Variants in SLC16A1 observed in about 807,000 individuals in gnomAD.
The protein encoded by SLC16A1 is monocarboxylate transporter 1.
In SLC16A1, 11 loss-of-function variants were observed where a neutral mutation model predicts 32.2. The observed-to-expected ratio is 0.34, with a 90% CI of 0.21 to 0.56. The LOEUF (loss-of-function observed/expected upper bound fraction) is 0.56. SLC16A1 is among the 20% of genes least tolerant of loss of function. SLC16A1 has a pLI of 0.87. For missense variants in SLC16A1, 435 were observed against 615.0 expected (o/e 0.71, Z 3.10); for synonymous variants, 231 against 226.8 (o/e 1.02, Z -0.17).
At chr1:112,928,820 AAC>A (rs933547008) in intron 2 of SLC16A1, among the ~76,000 whole-genome samples, 6 of 152,218 alleles carry the variant, frequency 3.9e-5, no homozygotes, top group Admixed American at 2.0e-4. Context: ...TCATTTTTAT[AAC>A]AGTCTTTTAA....
intron 2 of SLC16A1, among the ~76,000 whole-genome samples, chr1:112,928,607 A>C (rs1649017168): frequency 6.6e-6 from 1 of 152,222 alleles, no homozygotes; most frequent in South Asian, 2.1e-4. Flanking sequence ...TTTAGGACTC[A>C]TAACATCGCA....
intron 2 of SLC16A1, among the ~76,000 whole-genome samples, chr1:112,928,719 C>T (rs1268685881): frequency 6.6e-6 from 1 of 152,076 alleles, no homozygotes; most frequent in Admixed American, 6.6e-5. Flanking sequence ...TTATTTTAAT[C>T]CTCCCAACAT....
chr1:112,934,065 T>C (rs540908504), intron 1 of SLC16A1, among the ~76,000 whole-genome samples: 7 of 152,162 alleles, frequency 4.6e-5, no homozygotes, highest in Non-Finnish European at 1.0e-4. Context: ...AAGCGTTCTG[T>C]TAAGTAGGAA....
At chr1:112,939,794 C>T (rs1649441801) in intron 1 of SLC16A1, among the ~76,000 whole-genome samples, 1 of 152,056 alleles carries the variant, frequency 6.6e-6, no homozygotes, top group Non-Finnish European at 1.5e-5. Flanking sequence ...CGTTAGCCAC[C>T]GTGCCCTGCA....
intron 1 of SLC16A1, among the ~76,000 whole-genome samples, chr1:112,933,853 G>A (rs1570635129): frequency 6.6e-6 from 1 of 152,082 alleles, no homozygotes; most frequent in African/African-American, 2.4e-5. Flanking sequence ...TAACATATGA[G>A]CCAGCCATTA....
rs1648567297 is a variant in SLC16A1 at position 112,917,744 on chromosome 1, C to T, written c.662G>A (p.Gly221Asp). 1.2e-6 allele frequency: 2 copies of T among 1,614,210 alleles called. No homozygotes were observed. Among genetic ancestry groups the T allele is most frequent in the Admixed American group, 1.7e-5 (1 of 60,032 alleles). Residue 221 changes from glycine (G) to aspartate (D), a missense_variant, in exon 4 of 5, where the codon GGT becomes GAT. Transcript: ENST00000369626. This position sits in a 1 kb window ranked among gnomAD's most constrained non-coding sequence, Gnocchi z 4.1. Reference sequence around the variant, plus strand: ...TGCATCATGCAGATCTTTTTTCACACCAGATTTTCCAGCTTTCTCAAGGGA... The same window carrying T: ...TGCATCATGCAGATCTTTTTTCACATCAGATTTTCCAGCTTTCTCAAGGGA... ...KASLEKAGKS[G>D]VKKDLHDANT... is the part of the protein sequence containing the mutation.
At chr1:112,919,606 T>C (rs775559030) in intron 3 of SLC16A1, among the ~76,000 whole-genome samples, 45 of 152,116 alleles carry the variant, frequency 3.0e-4, no homozygotes, top group Non-Finnish European at 5.4e-4. Flanking sequence ...AGGAACAGAG[T>C]TGAAATACAT....
chr1:112,948,686 A>G (rs1262117620), intron 1 of SLC16A1, among the ~76,000 whole-genome samples: 2 of 151,640 alleles, frequency 1.3e-5, no homozygotes, highest in Non-Finnish European at 2.9e-5. Context: ...ATATTTTTGT[A>G]GAGGCAGGGT....
Position 112,915,709 on chromosome 1 carries a change from C to T in SLC16A1, c.1228+1469G>A, listed in dbSNP as rs1196870583. 3.3e-5 allele frequency among the ~76,000 whole-genome samples: 5 copies of T among 151,888 alleles called. No individual in the cohort carries two copies. In the South Asian group the frequency reaches 1.0e-3, roughly 32 times the overall value. On this transcript the variant is annotated intron_variant, in intron 4 of 4. Transcript: ENST00000369626. The stretch of plus-strand genomic sequence containing the variant: ...AGTAGTTGTGATGGAGAAAAATGGG[C>T]AGATGAGAACAAGATTTAGAGCATA...
chr1:112,931,420 T>A (rs529871233), intron 1 of SLC16A1, among the ~76,000 whole-genome samples: 18 of 151,866 alleles, frequency 1.2e-4, no homozygotes, highest in Non-Finnish European at 2.6e-4. Context: ...CAGAGGTAGG[T>A]AGATCACCTG....
chr1:112,952,873 A>G (rs1649946650), intron 1 of SLC16A1, among the ~76,000 whole-genome samples: 1 of 152,224 alleles, frequency 6.6e-6, no homozygotes. Flanking sequence ...TATTGGTTAA[A>G]TGGAGACAAA....
At chr1:112,951,444 G>A (rs1649891340) in intron 1 of SLC16A1, among the ~76,000 whole-genome samples, 1 of 152,166 alleles carries the variant, frequency 6.6e-6, no homozygotes, top group Admixed American at 6.6e-5. Flanking sequence ...TGAGCTTTAA[G>A]TGACATATTA....
At chr1:112,944,029 A>T (rs1649603519) in intron 1 of SLC16A1, among the ~76,000 whole-genome samples, 1 of 152,194 alleles carries the variant, frequency 6.6e-6, no homozygotes, top group East Asian at 1.9e-4. Context: ...CAAATTAATT[A>T]AATAAATATG....
chr1:112,923,421 T>C (rs1037699904), intron 2 of SLC16A1: 2 of 665,686 alleles, frequency 3.0e-6, no homozygotes, highest in Non-Finnish European at 5.6e-6. Context: ...GTTGCCGCCA[T>C]CATGTCCCGG....
Position 112,931,086 on chromosome 1 carries a change from C to T in SLC16A1, c.-44-1734G>A, listed in dbSNP as rs1331272679. ...CTTTTCCAAAATATATTCTTCCATACTCTTTTCATTCTCTTATTTATGGCT... is the reference window on the plus strand; with the variant it reads ...CTTTTCCAAAATATATTCTTCCATATTCTTTTCATTCTCTTATTTATGGCT... On this transcript the variant is annotated intron_variant, in intron 1 of 4. Transcript: ENST00000369626. Among the ~76,000 whole-genome samples the T allele has an allele frequency of 2.0e-5, 3 of 152,076 alleles. No individual in the cohort carries two copies. In the East Asian group the frequency reaches 5.8e-4, roughly 29 times the overall value.
chr1:112,918,784 C>G (rs936509216), intron 3 of SLC16A1, among the ~76,000 whole-genome samples: 2 of 152,090 alleles, frequency 1.3e-5, no homozygotes, highest in African/African-American at 4.8e-5. Context: ...TCCTGGGCTA[C>G]AGAGAAAGAA....
intron 4 of SLC16A1, 99 bp from the exon 5 acceptor site, chr1:112,914,264 C>A: frequency 7.5e-7 from 1 of 1,327,984 alleles, no homozygotes; most frequent in Non-Finnish European, 1.1e-6. Context: ...GATGTCAATC[C>A]AATCTTTAAA....
At position 112,914,118 on chromosome 1, in the gene SLC16A1, A is replaced by T; in HGVS notation, c.1276T>A (p.Cys426Ser). ...CCTGAAATAATTAGGACGACGCCAC[A>T]TGCCCAGTATGTGTATTTGTAGTCT... ...YGDYKYTYWA[C>S]GVVLIISGIY... Residue 426 changes from cysteine (C) to serine (S), a missense_variant, in exon 5 of 5, where the codon TGT becomes AGT. Physicochemically the swap from Cys to Ser is moderately radical, Grantham distance 112. Transcript: ENST00000369626. 1 of 1,614,200 alleles carries T rather than the reference A, an allele frequency of 6.2e-7. No individual in the cohort carries two copies. The highest frequency in any genetic ancestry group is 8.5e-7 in the Non-Finnish European group (1 of 1,180,016).
At chr1:112,933,833 T>C (rs956448596) in intron 1 of SLC16A1, among the ~76,000 whole-genome samples, 18 of 152,320 alleles carry the variant, frequency 1.2e-4, no homozygotes, top group African/African-American at 4.1e-4. Context: ...TATAAAGTTA[T>C]AGATATATTT....
Sources: gnomAD v4.1 joint callset for allele counts (sites outside exome capture counted in the v4.1 genomes callset) on GRCh38, gnomAD v4.1.1 for gene constraint, Gnocchi (gnomAD v3.1) non-coding constraint, MANE v1.5 for transcripts, NCBI Gene and HGNC (gene_info 2026-07-23, HGNC 2026-07-21) for gene names.